The following ARHGAP6 variants were observed in gnomAD, a reference collection of about 807,000 sequenced individuals.
ARHGAP6 encodes Rho GTPase activating protein 6.
A neutral mutation model predicts 55.7 loss-of-function variants in ARHGAP6; 16 were observed. The observed-to-expected ratio is 0.29, with a 90% CI of 0.19 to 0.44. ARHGAP6 has a LOEUF of 0.44. Ranked by LOEUF, ARHGAP6 falls within the 20% of genes least tolerant of loss-of-function variation. ARHGAP6 has a pLI of 1.00. For synonymous variants in ARHGAP6, 382 were observed against 360.9 expected (o/e 1.06, Z -0.66); for missense variants, 698 against 808.9 (o/e 0.86, Z 1.66).
At position 11,384,317 on chromosome X, in the gene ARHGAP6, T is replaced by C. The variant is rs377483213; in HGVS notation, c.589-129610A>G. Among the ~76,000 whole-genome samples, 13 of 112,249 alleles carry C rather than the reference T, an allele frequency of 1.2e-4. No homozygotes were observed. In the East Asian group the frequency reaches 3.1e-3, roughly 26 times the overall value. On this transcript the variant is annotated intron_variant, in intron 1 of 12. Transcript: ENST00000337414. ...ACCAGGATGAGTCTGGAACACTTTGTTGTTACCAAGAAGCTTGAATACTTT... is the reference window on the plus strand; with the variant it reads ...ACCAGGATGAGTCTGGAACACTTTGCTGTTACCAAGAAGCTTGAATACTTT...
chrX:11,581,795 T>C (rs746807771), intron 1 of ARHGAP6, among the ~76,000 whole-genome samples: 60 of 110,494 alleles, frequency 5.4e-4, no homozygotes, highest in Non-Finnish European at 1.0e-3. Flanking sequence ...ATGAGAGTTA[T>C]TGGGTATGAG....
At chrX:11,200,022 A>G (rs985476499) in intron 2 of ARHGAP6, among the ~76,000 whole-genome samples, 2 of 112,254 alleles carry the variant, frequency 1.8e-5, no homozygotes, top group Non-Finnish European at 3.8e-5. Context: ...AGCATAGAAA[A>G]CTTGCTCAAG....
chrX:11,550,885 T>G (rs2051259640), intron 1 of ARHGAP6, among the ~76,000 whole-genome samples: 1 of 111,617 alleles, frequency 9.0e-6, no homozygotes, highest in African/African-American at 3.3e-5. Context: ...TGCTGGTGAG[T>G]GGACTCATTG....
chrX:11,608,668 C>T (rs955399437), intron 1 of ARHGAP6, among the ~76,000 whole-genome samples: 2 of 111,530 alleles, frequency 1.8e-5, no homozygotes, highest in Admixed American at 9.5e-5. Flanking sequence ...GGAGGGACCC[C>T]GTGGGAGATA....
intron 1 of ARHGAP6, among the ~76,000 whole-genome samples, chrX:11,338,153 C>T (rs1233426226): frequency 1.8e-5 from 2 of 111,408 alleles, no homozygotes; most frequent in African/African-American, 6.5e-5. Flanking sequence ...TATCACCATG[C>T]TGACCGTCAA....
rs368161219 is a variant in ARHGAP6 at position 11,179,354 on chromosome X, C to T, written c.1428G>A (p.Met476Ile). The change falls in exon 7 of 13, where the codon ATG becomes ATA. Residue 476 changes from methionine (M) to isoleucine (I), a missense_variant. By Grantham distance (10) the Met-to-Ile change is conservative. Around this residue, in one of 3 missense-constraint regions of ARHGAP6, gnomAD observed 322 missense variants for 451.1 expected, o/e 0.71. Transcript: ENST00000337414. ...GCTCCCTGGTGAGAAGGGGGTCTGG[C>T]ATGTCCCTCAGGAACTCTTTCAGCA... Reference protein sequence around the residue: ...AALLKEFLRDMPDPLLTRELY... With the variant: ...AALLKEFLRDIPDPLLTRELY... 1 of 1,208,202 alleles carries T rather than the reference C, an allele frequency of 8.3e-7. No homozygotes were observed. The highest frequency in any genetic ancestry group is 1.1e-6 in the Non-Finnish European group (1 of 894,621).
rs182085870 is a variant in ARHGAP6 at position 11,388,444 on chromosome X, C to G, written c.589-133737G>C. On this transcript the variant is annotated intron_variant, in intron 1 of 12. Coordinates refer to ENST00000337414, the MANE Select transcript of ARHGAP6 (RefSeq NM_013427.3). ...AATTTGTTTGTGTTCATTGTAGATT[C>G]TGGATATTAGCCCTTTGTCAGATGA... Among the ~76,000 whole-genome samples, 360 of 111,781 alleles carry G rather than the reference C, an allele frequency of 3.2e-3. 6 individuals carry two copies. In the East Asian group the frequency reaches 0.069, roughly 22 times the overall value.
At chrX:11,572,131 T>C (rs1429245807) in intron 1 of ARHGAP6, among the ~76,000 whole-genome samples, 1 of 111,834 alleles carries the variant, frequency 8.9e-6, no homozygotes, top group Non-Finnish European at 1.9e-5. Context: ...GCTAAACTAT[T>C]TGTACTATCA....
In ARHGAP6 at chrX:11,664,295, C is replaced by T. The variant is rs2052730792; in HGVS notation, c.534G>A (p.Lys178=). The change falls in exon 1 of 13, where the codon AAG becomes AAA. Residue 178 remains lysine, a synonymous_variant. Coordinates refer to ENST00000337414, the MANE Select transcript of ARHGAP6 (RefSeq NM_013427.3). ...ASPRRWLQQR[K]FQSPPDSRGH... is the part of the protein sequence containing the mutation. ...CGCGACTGTCGGGTGGGGACTGGAA[C>T]TTCCTCTGCTGGAGCCACCTCCTAG... 1.2e-5 allele frequency: 14 copies of T among 1,210,849 alleles called. No individual in the cohort carries two copies. Among genetic ancestry groups the T allele is most frequent in the Non-Finnish European group, 1.6e-5 (14 of 895,313 alleles).
chrX:11,413,351 G>A (rs1206717745), intron 1 of ARHGAP6, among the ~76,000 whole-genome samples: 2 of 112,394 alleles, frequency 1.8e-5, no homozygotes, highest in African/African-American at 6.5e-5. Flanking sequence ...GGAGGCCATG[G>A]TGTAGAGCTA....
intron 1 of ARHGAP6, among the ~76,000 whole-genome samples, chrX:11,450,481 CTGAGTCATGCTAGTG>C (rs1437876423): frequency 1.8e-5 from 2 of 111,959 alleles, no homozygotes; most frequent in African/African-American, 6.5e-5. Flanking sequence ...TGCTGGGCTT[CTGAGTCATGCTAGTG>C]TGAGATGAGC....
rs1332821731 is a variant in ARHGAP6 at position 11,387,555 on chromosome X, G to T, written c.589-132848C>A. On this transcript the variant is annotated intron_variant, in intron 1 of 12. Coordinates refer to ENST00000337414, the MANE Select transcript of ARHGAP6 (RefSeq NM_013427.3). ...TTAAAATTCAGAAGGAAGAAAGGAA[G>T]AAATTTTTTTATTATCCTTTAAGTT... Among the ~76,000 whole-genome samples the T allele has an allele frequency of 2.7e-5, 3 of 111,296 alleles. 1 individual carries two copies. The East Asian group carries it at 8.4e-4, about 31-fold the overall frequency.
At chrX:11,218,903 A>G (rs1288551938) in intron 2 of ARHGAP6, among the ~76,000 whole-genome samples, 1 of 104,617 alleles carries the variant, frequency 9.6e-6, no homozygotes. Context: ...TTTTTTTATT[A>G]TACTTTAAGT....
At chrX:11,462,745 G>A (rs1381722075) in intron 1 of ARHGAP6, among the ~76,000 whole-genome samples, 1 of 112,198 alleles carries the variant, frequency 8.9e-6, no homozygotes, top group Non-Finnish European at 1.9e-5. Context: ...ATGTTGTGTG[G>A]TAAGGATTCT....
chrX:11,413,888 T>C (rs946694194), intron 1 of ARHGAP6, among the ~76,000 whole-genome samples: 1 of 112,166 alleles, frequency 8.9e-6, no homozygotes, highest in Non-Finnish European at 1.9e-5. Flanking sequence ...TGCATCTTCT[T>C]ATTCAAGAGG....
intron 2 of ARHGAP6, among the ~76,000 whole-genome samples, chrX:11,225,284 C>T (rs891148750): frequency 9.0e-6 from 1 of 110,545 alleles, no homozygotes; most frequent in Admixed American, 9.7e-5. Flanking sequence ...CATCTATGTG[C>T]ATACTGAAAT....
intron 1 of ARHGAP6, among the ~76,000 whole-genome samples, chrX:11,468,345 T>A (rs774729986): frequency 1.1e-3 from 126 of 112,343 alleles, no homozygotes; most frequent in African/African-American, 3.5e-3. Flanking sequence ...ATGATACATT[T>A]GAAGAAATTA....
At chrX:11,421,989 T>C (rs1405396603) in intron 1 of ARHGAP6, among the ~76,000 whole-genome samples, 2 of 112,052 alleles carry the variant, frequency 1.8e-5, no homozygotes, top group African/African-American at 6.5e-5. Context: ...CTCATAAATA[T>C]TTATTGTATG....
At chrX:11,553,029 T>G (rs893183969) in intron 1 of ARHGAP6, among the ~76,000 whole-genome samples, 1 of 111,230 alleles carries the variant, frequency 9.0e-6, no homozygotes, top group African/African-American at 3.3e-5. Context: ...TTAATTAGCT[T>G]GATTTAGTCA....
Sources: gnomAD v4.1 joint callset for allele counts (sites outside exome capture counted in the v4.1 genomes callset) on GRCh38, gnomAD v4.1.1 for gene constraint, gnomAD v4.1.1 regional missense constraint, MANE v1.5 for transcripts, NCBI Gene and HGNC (gene_info 2026-07-23, HGNC 2026-07-21) for gene names.